CNTNAP2: variants seen among roughly 807,000 people sequenced by gnomAD.
CNTNAP2 encodes the protein contactin-associated protein-like 2.
A neutral mutation model predicts 155.2 loss-of-function variants in CNTNAP2; 98 were observed. That is an observed-to-expected ratio of 0.63 (90% CI 0.54 to 0.75). CNTNAP2 has a LOEUF of 0.75. Ranked by LOEUF, CNTNAP2 falls within the 30% of genes least tolerant of loss-of-function variation. The probability of loss-of-function intolerance (pLI) is 0.00; values close to 1 mark genes in which losing one functional copy is unlikely to be tolerated. For missense variants in CNTNAP2, 1,727 were observed against 1,688.1 expected, an observed-to-expected ratio of 1.02 and a Z score of -0.40; for synonymous variants, 651 against 631.2, an observed-to-expected ratio of 1.03 and a Z score of -0.47.
intron 5 of CNTNAP2, among the ~76,000 whole-genome samples, chr7:147,117,307 C>T (rs1319244960): frequency 6.6e-6 from 1 of 152,122 alleles, no homozygotes; most frequent in Non-Finnish European, 1.5e-5. Flanking sequence ...ACAAGATCTC[C>T]TAATCTGTGA....
intron 11 of CNTNAP2, among the ~76,000 whole-genome samples, chr7:147,560,116 C>T (rs182699659): frequency 0.018 from 2,517 of 136,660 alleles, 82 homozygotes; most frequent in African/African-American, 0.066. Flanking sequence ...TGTGGTGAGC[C>T]GAGATCGCGC....
chr7:146,754,534 G>GTCTC (rs71525968), intron 1 of CNTNAP2, among the ~76,000 whole-genome samples: 114 of 143,436 alleles, frequency 7.9e-4, no homozygotes, highest in African/African-American at 2.7e-3. Context: ...GGTTGTTAGA[G>GTCTC]TCTCTCTCTC....
intron 13 of CNTNAP2, among the ~76,000 whole-genome samples, chr7:147,704,936 A>AT (rs976048539): frequency 2.0e-5 from 3 of 151,346 alleles, no homozygotes; most frequent in African/African-American, 7.3e-5. Context: ...TCTATTTCTC[A>AT]TTTTTTTATT....
At chr7:147,353,789 C>T (rs1796010917) in intron 9 of CNTNAP2, among the ~76,000 whole-genome samples, 2 of 152,050 alleles carry the variant, frequency 1.3e-5, no homozygotes, top group African/African-American at 4.8e-5. Context: ...TATATTTCTC[C>T]ACATCTTCTC....
At chr7:147,953,413 A>G (rs1233472792) in intron 14 of CNTNAP2, among the ~76,000 whole-genome samples, 1 of 151,846 alleles carries the variant, frequency 6.6e-6, no homozygotes, top group Non-Finnish European at 1.5e-5. Context: ...TCTAAGAAAT[A>G]CGATTCTCAT....
At chr7:147,896,940 A>T (rs1585016243) in intron 13 of CNTNAP2, 1 of 152,364 alleles carries the variant, frequency 6.6e-6, no homozygotes, top group Non-Finnish European at 1.5e-5. Context: ...CAAGGAGGTT[A>T]GAAGCAAGAT....
intron 13 of CNTNAP2, among the ~76,000 whole-genome samples, chr7:147,772,024 G>A (rs951074124): frequency 5.3e-5 from 8 of 152,124 alleles, no homozygotes; most frequent in Admixed American, 5.2e-4. Flanking sequence ...AAATTTCAGT[G>A]AGAGACTTCT....
At chr7:146,315,589 G>A (rs1800893037) in intron 1 of CNTNAP2, among the ~76,000 whole-genome samples, 1 of 152,170 alleles carries the variant, frequency 6.6e-6, no homozygotes, top group African/African-American at 2.4e-5. Flanking sequence ...GTGTCTGTGG[G>A]AGGAGGGAGC....
At chr7:147,944,730 C>G (rs1245407889) in intron 14 of CNTNAP2, among the ~76,000 whole-genome samples, 1 of 152,136 alleles carries the variant, frequency 6.6e-6, no homozygotes, top group African/African-American at 2.4e-5. Context: ...GGCCAGAACA[C>G]TTAAAGGGTT....
chr7:147,897,014 A>C (rs1334618309), intron 13 of CNTNAP2: 1 of 152,158 alleles, frequency 6.6e-6, no homozygotes, highest in East Asian at 1.9e-4. Context: ...CGGCTTCACC[A>C]CTGCCCAAAC....
chr7:146,984,367 CAAAAAAA>C (rs34062629), intron 3 of CNTNAP2, among the ~76,000 whole-genome samples: 2 of 94,090 alleles, frequency 2.1e-5, no homozygotes, highest in East Asian at 6.7e-4. Flanking sequence ...AACCCCATCT[CAAAAAAA>C]AAAAAAAAAA....
intron 8 of CNTNAP2, among the ~76,000 whole-genome samples, chr7:147,134,067 T>C (rs992962271): frequency 2.6e-5 from 4 of 152,054 alleles, no homozygotes; most frequent in African/African-American, 9.7e-5. Context: ...TGATTAATGA[T>C]TATTGCCTAA....
chr7:147,033,184 ATATATATATATATATATATG>A (rs1799075579), intron 3 of CNTNAP2, among the ~76,000 whole-genome samples: 1 of 102,924 alleles, frequency 9.7e-6, no homozygotes, highest in Non-Finnish European at 2.1e-5. Flanking sequence ...ATATATATAT[ATATATATATATATATATATG>A]GAATATGTTG....
intron 1 of CNTNAP2, among the ~76,000 whole-genome samples, chr7:146,244,916 G>A (rs1584823353): frequency 1.3e-5 from 2 of 152,032 alleles, no homozygotes; most frequent in African/African-American, 4.8e-5. Flanking sequence ...CTGGGTGGGG[G>A]CAAATCCTCG....
intron 10 of CNTNAP2, among the ~76,000 whole-genome samples, chr7:147,427,731 A>G (rs1024017874): frequency 6.6e-6 from 1 of 152,118 alleles, no homozygotes; most frequent in African/African-American, 2.4e-5. Context: ...TGCTTTTACC[A>G]TTTACAAATG....
At chr7:146,452,848 A>G (rs1425138633) in intron 1 of CNTNAP2, among the ~76,000 whole-genome samples, 1 of 152,194 alleles carries the variant, frequency 6.6e-6, no homozygotes, top group African/African-American at 2.4e-5. Context: ...GAAAACATCA[A>G]CTTAGAGAAA....
intron 1 of CNTNAP2, among the ~76,000 whole-genome samples, chr7:146,390,388 T>G (rs937561806): frequency 1.4e-4 from 22 of 151,988 alleles, no homozygotes; most frequent in African/African-American, 5.1e-4. Context: ...TGATGGACTG[T>G]AGGATGAGAC....
At chr7:147,098,298 A>G (rs1002731597) in intron 4 of CNTNAP2, among the ~76,000 whole-genome samples, 3 of 152,028 alleles carry the variant, frequency 2.0e-5, no homozygotes, top group Admixed American at 1.3e-4. Flanking sequence ...TCCAATTCTC[A>G]CCCTGCACAT....
chr7:148,196,662 T>C (rs1265878469), intron 18 of CNTNAP2, among the ~76,000 whole-genome samples: 3 of 152,244 alleles, frequency 2.0e-5, no homozygotes, highest in African/African-American at 7.2e-5. Context: ...GAGGCATTGA[T>C]AAATTAAGTA....
Sources: gnomAD v4.1 joint callset for allele counts (sites outside exome capture counted in the v4.1 genomes callset) on GRCh38, gnomAD v4.1.1 for gene constraint, MANE v1.5 for transcripts, NCBI Gene and HGNC (gene_info 2026-07-23, HGNC 2026-07-21) for gene names.